DHX37: variants seen among roughly 807,000 people sequenced by gnomAD.
DHX37 encodes the protein probable ATP-dependent RNA helicase DHX37.
In DHX37, 52 loss-of-function variants were observed where a neutral mutation model predicts 134.3. That is an observed-to-expected ratio of 0.39 (90% CI 0.31 to 0.49). The LOEUF is 0.49. Among genes scored for constraint, DHX37 ranks in the 20% least tolerant of loss-of-function variants. DHX37 has a pLI of 0.93. For synonymous variants in DHX37, 634 were observed against 670.7 expected, an observed-to-expected ratio of 0.95 and a Z score of 0.85; for missense variants, 1,344 against 1,580.8, an observed-to-expected ratio of 0.85 and a Z score of 2.54.
At chr12:124,978,931 CAA>C (rs1380468336) in intron 4 of DHX37, among the ~76,000 whole-genome samples, 11 of 129,938 alleles carry the variant, frequency 8.5e-5, no homozygotes, top group Non-Finnish European at 8.3e-5. Context: ...GACACTGTCT[CAA>C]AAAAAAAAAA....
At chr12:124,978,923 C>T (rs1253907265) in intron 4 of DHX37, among the ~76,000 whole-genome samples, 61 of 149,202 alleles carry the variant, frequency 4.1e-4, no homozygotes, top group Non-Finnish European at 1.2e-4. Context: ...CAGAACAAGA[C>T]ACTGTCTCAA....
chr12:124,965,882 A>G, intron 12 of DHX37, 70 bp from the exon 13 acceptor site: 1 of 1,554,454 alleles, frequency 6.4e-7, no homozygotes, highest in African/African-American at 1.3e-5. Context: ...ACGTGCAGGA[A>G]GACAGGTGCC....
chr12:124,960,267 G>A, intron 16 of DHX37, 45 bp downstream of exon 16: 1 of 1,586,918 alleles, frequency 6.3e-7, no homozygotes, highest in South Asian at 1.1e-5. Flanking sequence ...AAAGGGAGGT[G>A]GTCCACTGGG....
intron 21 of DHX37, among the ~76,000 whole-genome samples, chr12:124,952,003 G>A (rs1419218151): frequency 3.3e-5 from 5 of 151,944 alleles, no homozygotes; most frequent in East Asian, 1.9e-4. Context: ...AAAATTAGTC[G>A]GAGGTGGTGG....
chr12:124,961,499 G>T (rs773456066), intron 15 of DHX37, among the ~76,000 whole-genome samples: 1 of 152,182 alleles, frequency 6.6e-6, no homozygotes, highest in Non-Finnish European at 1.5e-5. Context: ...CATGATCTTG[G>T]CTCACTGCAA....
rs1241344275 is a variant in DHX37 at position 124,949,542 on chromosome 12, G to A, written c.3290+444C>T. On this transcript the variant is annotated intron_variant, in intron 25 of 26. Transcript: ENST00000308736. This position sits in a 1 kb window ranked among gnomAD's most constrained non-coding sequence, Gnocchi z 4.0. The stretch of plus-strand genomic sequence containing the variant: ...ACTGACACCTGGCGGCTCTGTGGGA[G>A]CTGCCCAGTGTCTCCCCTATCCCAT... 6.6e-6 allele frequency among the ~76,000 whole-genome samples: 1 copy of A among 152,152 alleles called. No homozygotes were observed. Among genetic ancestry groups the A allele is most frequent in the African/African-American group, 2.4e-5 (1 of 41,450 alleles).
intron 18 of DHX37, among the ~76,000 whole-genome samples, chr12:124,956,415 T>C (rs1242772718): frequency 2.0e-5 from 3 of 152,242 alleles, no homozygotes; most frequent in African/African-American, 7.2e-5. Context: ...GTAGTCATAA[T>C]CTATAAGTAA....
At chr12:124,963,424 G>C (rs1954308939) in intron 15 of DHX37, among the ~76,000 whole-genome samples, 1 of 152,162 alleles carries the variant, frequency 6.6e-6, no homozygotes, top group African/African-American at 2.4e-5. Flanking sequence ...TTCTGACATT[G>C]ATTGTGGTGA....
rs35713321 is a variant in DHX37 at position 124,959,383 on chromosome 12, A to ATT, written c.2157+927_2157+928dup. On this transcript the variant is annotated intron_variant, in intron 16 of 26. Transcript: ENST00000308736. ...CCACCACGCCCAGCCTCCCTGGCTA[A>ATT]TTTTTTTTTTTGTATTTTTAGTAGA... Among the ~76,000 whole-genome samples the ATT allele has an allele frequency of 4.6e-3, 682 of 148,590 alleles. 4 individuals are homozygous for ATT. Among genetic ancestry groups the ATT allele is most frequent in the African/African-American group, 0.014 (576 of 40,526 alleles).
chr12:124,959,894 C>T (rs964267734), intron 16 of DHX37, among the ~76,000 whole-genome samples: 2 of 152,334 alleles, frequency 1.3e-5, no homozygotes, highest in Non-Finnish European at 2.9e-5. Context: ...GCCCACAGGA[C>T]AGCACGCAGC....
At chr12:124,964,770 G>T in intron 14 of DHX37, 144 bp from the exon 15 acceptor site, 1 of 1,461,318 alleles carries the variant, frequency 6.8e-7, no homozygotes, top group Non-Finnish European at 9.2e-7. Context: ...CAGTGCCTTG[G>T]GGGAGGGTTC....
intron 17 of DHX37, 74 bp from the exon 18 acceptor site, chr12:124,956,953 G>A (rs1566327512): frequency 5.2e-6 from 8 of 1,533,696 alleles, no homozygotes; most frequent in Non-Finnish European, 6.2e-6. Flanking sequence ...CCACGCTTGA[G>A]GCAGCTCAGG....
chr12:124,980,125 TG>T lies in DHX37; in HGVS notation c.738+364del, dbSNP rs755755223. ...TTTTACAGATGCGCGGGAAGTGAGC[TG>T]GAGAGCAGGGGAATCAGCACTTGAT... On this transcript the variant is annotated intron_variant, in intron 4 of 26. Transcript: ENST00000308736. The surrounding 1 kb of genome is among the most constrained non-coding windows in gnomAD (Gnocchi z 5.3). 1.1e-4 allele frequency among the ~76,000 whole-genome samples: 16 copies of T among 152,350 alleles called. No homozygotes were observed. The highest frequency in any genetic ancestry group is 1.5e-4 in the Non-Finnish European group (10 of 68,030).
At position 124,982,576 on chromosome 12, in the gene DHX37, A is replaced by G; in HGVS notation, c.324T>C (p.Ala108=). 1 of 1,613,804 alleles carries G rather than the reference A, an allele frequency of 6.2e-7. No individual in the cohort carries two copies. The highest frequency in any genetic ancestry group is 8.5e-7 in the Non-Finnish European group (1 of 1,179,836). Reference sequence around the variant, plus strand: ...AAGTGGTATAAAAGAGTCTCATCTCAGCTTCGGAAGCCTGGACTTCACTCA... The same window carrying G: ...AAGTGGTATAAAAGAGTCTCATCTCGGCTTCGGAAGCCTGGACTTCACTCA... ...QKLSEVQASE[A]EMRLFYTTSK... is the part of the protein sequence containing the mutation. Residue 108 remains alanine, a synonymous_variant, in exon 3 of 27, where the codon GCT becomes GCC. Coordinates refer to ENST00000308736, the MANE Select transcript of DHX37 (RefSeq NM_032656.4).
chr12:124,967,666 C>A (rs892349607), intron 10 of DHX37, among the ~76,000 whole-genome samples: 1 of 152,182 alleles, frequency 6.6e-6, no homozygotes, highest in Non-Finnish European at 1.5e-5. Context: ...GAAGCAGCAA[C>A]CTCGGCTTCC....
At chr12:124,963,591 C>T (rs943374095) in intron 15 of DHX37, among the ~76,000 whole-genome samples, 2 of 151,948 alleles carry the variant, frequency 1.3e-5, no homozygotes, top group Admixed American at 6.6e-5. Context: ...AAACAGTGGC[C>T]GGGCACGGTG....
Position 124,947,741 on chromosome 12 carries a change from C to G in DHX37, c.*61G>C. On this transcript the variant is annotated 3_prime_UTR_variant, in exon 27 of 27. Coordinates refer to ENST00000308736, the MANE Select transcript of DHX37 (RefSeq NM_032656.4). ...CCAGGTGGTCACGGTCGCACGGTGA[C>G]AGGCTGCTGCCAGCCCTCCAGTCCC... The G allele has an allele frequency of 6.7e-7, 1 of 1,502,406 alleles. No individual in the cohort carries two copies. The highest frequency in any genetic ancestry group is 8.9e-7 in the Non-Finnish European group (1 of 1,126,278). 93.1% of individuals were successfully genotyped at this position (1,502,406 alleles called of 1,614,324 possible). A position where few individuals can be genotyped will look rare whatever the true frequency, so the allele number is the denominator to read the frequency against.
At chr12:124,956,663 CCT>C (rs758799023) in intron 18 of DHX37, 26 bp downstream of exon 18, 2 of 1,520,738 alleles carry the variant, frequency 1.3e-6, no homozygotes, top group Non-Finnish European at 1.8e-6. Flanking sequence ...TGAGCTTGGC[CCT>C]GAGTGCCCAG....
At chr12:124,976,916 G>A (rs1011910134) in intron 5 of DHX37, among the ~76,000 whole-genome samples, 16 of 151,276 alleles carry the variant, frequency 1.1e-4, no homozygotes, top group African/African-American at 3.4e-4. Flanking sequence ...GTGTGGTGGC[G>A]GGCGCCTGTA....
Sources: allele counts gnomAD v4.1 joint callset (sites outside exome capture counted in the v4.1 genomes callset), GRCh38; gene constraint gnomAD v4.1.1; non-coding constraint Gnocchi (gnomAD v3.1); transcripts MANE v1.5; gene names NCBI Gene and HGNC (gene_info 2026-07-23, HGNC 2026-07-21).